CFAP299: variants seen among roughly 807,000 people sequenced by gnomAD.
The protein encoded by CFAP299 is cilia- and flagella-associated protein 299.
In CFAP299, 21 loss-of-function variants were observed where a neutral mutation model predicts 27.0. That is an observed-to-expected ratio of 0.78 (90% CI 0.55 to 1.12). CFAP299 has a LOEUF of 1.12. CFAP299 is among the 50% of genes most tolerant of loss of function. CFAP299 has a pLI of 0.00. For synonymous variants in CFAP299, 104 were observed against 98.1 expected, an observed-to-expected ratio of 1.06 and a Z score of -0.36; for missense variants, 310 against 276.6, an observed-to-expected ratio of 1.12 and a Z score of -0.86.
At chr4:80,418,181 C>T (rs1226069089) in intron 2 of CFAP299, among the ~76,000 whole-genome samples, 1 of 152,056 alleles carries the variant, frequency 6.6e-6, no homozygotes, top group African/African-American at 2.4e-5. Flanking sequence ...AAATAACTAA[C>T]TCTTGAATCA....
At chr4:80,883,228 C>T (rs964836041) in intron 4 of CFAP299, among the ~76,000 whole-genome samples, 3 of 152,004 alleles carry the variant, frequency 2.0e-5, no homozygotes, top group Non-Finnish European at 2.9e-5. Context: ...TGAAAATGGA[C>T]TGTTATAACT....
chr4:80,446,163 GTGT>G, intron 2 of CFAP299, among the ~76,000 whole-genome samples: 1 of 152,336 alleles, frequency 6.6e-6, no homozygotes, highest in East Asian at 1.9e-4. Flanking sequence ...AAAGGCATAG[GTGT>G]TGTGTCAATC....
intron 1 of CFAP299, among the ~76,000 whole-genome samples, chr4:80,352,611 A>G (rs949840945): frequency 2.0e-5 from 3 of 152,186 alleles, no homozygotes; most frequent in Non-Finnish European, 4.4e-5. Context: ...ATAATAGAAT[A>G]CCTATTCTTT....
chr4:80,508,340 C>CT (rs1732132182), intron 2 of CFAP299, among the ~76,000 whole-genome samples: 2 of 152,070 alleles, frequency 1.3e-5, no homozygotes, highest in African/African-American at 2.4e-5. Context: ...ATAGTTTTCT[C>CT]TTTTTTTCCC....
At chr4:80,703,219 G>A (rs923568915) in intron 3 of CFAP299, among the ~76,000 whole-genome samples, 1 of 151,706 alleles carries the variant, frequency 6.6e-6, no homozygotes, top group African/African-American at 2.4e-5. Context: ...GACCCAACTA[G>A]TCTCTGTAAC....
chr4:80,752,623 T>C (rs1225974996), intron 3 of CFAP299, among the ~76,000 whole-genome samples: 1 of 151,558 alleles, frequency 6.6e-6, no homozygotes, highest in Non-Finnish European at 1.5e-5. Context: ...AGTGGGATTA[T>C]ATAACTTACA....
intron 3 of CFAP299, among the ~76,000 whole-genome samples, chr4:80,807,129 AG>A (rs771701188): frequency 6.6e-6 from 1 of 152,184 alleles, no homozygotes; most frequent in Non-Finnish European, 1.5e-5. Context: ...TGCAGGTTAA[AG>A]AAATGATTTT....
At chr4:80,567,132 A>G (rs1051440139) in intron 2 of CFAP299, among the ~76,000 whole-genome samples, 9 of 152,130 alleles carry the variant, frequency 5.9e-5, no homozygotes, top group African/African-American at 2.2e-4. Flanking sequence ...AATGAGAAGA[A>G]ACCTCTGTCT....
At chr4:80,408,258 T>C (rs1351014635) in intron 2 of CFAP299, among the ~76,000 whole-genome samples, 1 of 152,214 alleles carries the variant, frequency 6.6e-6, no homozygotes, top group East Asian at 1.9e-4. Context: ...AAAATATCTT[T>C]TGACTCTACA....
At chr4:80,798,275 T>A (rs1028987528) in intron 3 of CFAP299, among the ~76,000 whole-genome samples, 2 of 152,052 alleles carry the variant, frequency 1.3e-5, no homozygotes, top group Admixed American at 1.3e-4. Flanking sequence ...AGGCCATCAC[T>A]GTTTTGGCCT....
chr4:80,576,193 A>ATATATATATAT (rs1264207681), intron 2 of CFAP299, among the ~76,000 whole-genome samples: 406 of 33,186 alleles, frequency 0.012, 1 homozygote, highest in African/African-American at 0.03. Flanking sequence ...ATAATAAAAA[A>ATATATATATAT]AAAAATATAT....
intron 2 of CFAP299, among the ~76,000 whole-genome samples, chr4:80,466,054 T>A (rs766438440): frequency 3.1e-4 from 47 of 152,210 alleles, no homozygotes; most frequent in Non-Finnish European, 5.6e-4. Flanking sequence ...AGTGCAGCAA[T>A]TTCTAGGTTT....
intron 2 of CFAP299, among the ~76,000 whole-genome samples, chr4:80,430,445 C>G (rs886753739): frequency 6.6e-6 from 1 of 152,156 alleles, no homozygotes; most frequent in African/African-American, 2.4e-5. Flanking sequence ...TTGCTGGTTC[C>G]TCTTTATCCT....
At chr4:80,955,638 T>C (rs1738028193) in intron 5 of CFAP299, among the ~76,000 whole-genome samples, 1 of 152,234 alleles carries the variant, frequency 6.6e-6, no homozygotes, top group South Asian at 2.1e-4. Flanking sequence ...GTTAAAGCTG[T>C]ATTTACTGAT....
In CFAP299 at chr4:80,462,088, C is replaced by G. The variant is rs541524062; in HGVS notation, c.242+99204C>G. 5.0e-4 allele frequency among the ~76,000 whole-genome samples: 76 copies of G among 152,244 alleles called. 1 individual carries two copies. Among genetic ancestry groups the G allele is most frequent in the African/African-American group, 1.8e-3 (73 of 41,546 alleles). The stretch of plus-strand genomic sequence containing the variant: ...GGGCAGTAACCATGCTAATTTAATC[C>G]AACCTTGGATCCCCAACACTTAGTG... On this transcript the variant is annotated intron_variant, in intron 2 of 5. Coordinates refer to ENST00000358105, the MANE Select transcript of CFAP299 (RefSeq NM_152770.3).
At chr4:80,611,382 C>T (rs1461857491) in intron 3 of CFAP299, among the ~76,000 whole-genome samples, 4 of 152,028 alleles carry the variant, frequency 2.6e-5, no homozygotes, top group Non-Finnish European at 5.9e-5. Context: ...GTGAACTATA[C>T]ATTATATTCA....
intron 3 of CFAP299, among the ~76,000 whole-genome samples, chr4:80,699,375 T>G (rs1721319013): frequency 6.6e-6 from 1 of 152,170 alleles, no homozygotes; most frequent in Non-Finnish European, 1.5e-5. Flanking sequence ...TATTGCTGCT[T>G]CTTCAAACTC....
chr4:80,409,853 G>T (rs990899759), intron 2 of CFAP299, among the ~76,000 whole-genome samples: 2 of 152,140 alleles, frequency 1.3e-5, no homozygotes, highest in Admixed American at 6.5e-5. Context: ...CACTTCACTT[G>T]GAATGTTTTA....
At chr4:80,579,796 A>T (rs1396776755) in intron 2 of CFAP299, among the ~76,000 whole-genome samples, 1 of 152,114 alleles carries the variant, frequency 6.6e-6, no homozygotes, top group South Asian at 2.1e-4. Context: ...GTACACAAAT[A>T]TATAGATACA....
Sources: gnomAD v4.1 joint callset for allele counts (sites outside exome capture counted in the v4.1 genomes callset) on GRCh38, gnomAD v4.1.1 for gene constraint, MANE v1.5 for transcripts, NCBI Gene and HGNC (gene_info 2026-07-23, HGNC 2026-07-21) for gene names.